PAX5: variants seen among roughly 807,000 people sequenced by gnomAD.
PAX5 encodes the protein paired box protein Pax-5.
A neutral mutation model predicts 43.7 loss-of-function variants in PAX5; 9 were observed. That is an observed-to-expected ratio of 0.21 (90% CI 0.12 to 0.36). The LOEUF is 0.36. Ranked by LOEUF, PAX5 falls within the 10% of genes least tolerant of loss-of-function variation. The probability of loss-of-function intolerance (pLI) is 1.00; values close to 1 mark genes in which losing one functional copy is unlikely to be tolerated. For missense variants in PAX5, 383 were observed against 532.7 expected, an observed-to-expected ratio of 0.72 and a Z score of 2.77; for synonymous variants, 228 against 214.3, an observed-to-expected ratio of 1.06 and a Z score of -0.56.
In PAX5 at chr9:37,015,032, G is replaced by T; in HGVS notation, c.375C>A (p.Asp125Glu). 1 of 1,614,150 alleles carries T rather than the reference G, an allele frequency of 6.2e-7. No individual in the cohort carries two copies. The highest frequency in any genetic ancestry group is 8.5e-7 in the Non-Finnish European group (1 of 1,180,036). Reference sequence around the variant, plus strand: ...AACTGACGCTAGGCACGGTGTCATTGTCACACACCCGCTCTGCCAGCAGCC... The same window carrying T: ...AACTGACGCTAGGCACGGTGTCATTTTCACACACCCGCTCTGCCAGCAGCC... ...RDRLLAERVC[D>E]NDTVPSVSSI... Residue 125 changes from aspartate to glutamate, a missense_variant, in exon 3 of 10, where the codon GAC (aspartate) becomes GAA (glutamate). Coordinates refer to ENST00000358127, the MANE Select transcript of PAX5 (RefSeq NM_016734.3). This position sits in a 1 kb window ranked among gnomAD's most constrained non-coding sequence, Gnocchi z 4.4.
At chr9:36,918,752 T>C (rs548808456) in intron 7 of PAX5, among the ~76,000 whole-genome samples, 3 of 152,292 alleles carry the variant, frequency 2.0e-5, no homozygotes, top group African/African-American at 7.2e-5. Context: ...TCTTTAATTT[T>C]AGGAAGGCTA....
At chr9:36,918,480 T>C (rs1163531993) in intron 7 of PAX5, among the ~76,000 whole-genome samples, 3 of 151,896 alleles carry the variant, frequency 2.0e-5, no homozygotes, top group African/African-American at 4.8e-5. Context: ...CTGGGAAACA[T>C]AGAAAAACCC....
rs10650417 is a variant in PAX5 at position 36,882,267 on chromosome 9, TACACACAC to T, written c.911-170_911-163del. 0.047 allele frequency among the ~76,000 whole-genome samples: 6,869 copies of T among 146,350 alleles called. 179 individuals are homozygous for T. Among genetic ancestry groups the T allele is most frequent in the East Asian group, 0.097 (467 of 4,818 alleles). On this transcript the variant is annotated intron_variant, in intron 7 of 9. Coordinates refer to ENST00000358127, the MANE Select transcript of PAX5 (RefSeq NM_016734.3). This position sits in a 1 kb window ranked among gnomAD's most constrained non-coding sequence, Gnocchi z 4.4. ...GCTCACACGCTCTCACAAACACACA[TACACACAC>T]ACACACACACACACACACACTCATG...
At chr9:36,924,278 T>G (rs1465926738) in intron 6 of PAX5, among the ~76,000 whole-genome samples, 2 of 152,214 alleles carry the variant, frequency 1.3e-5, no homozygotes, top group Middle Eastern at 3.2e-3. Context: ...AGTCATTTCC[T>G]TGTCATCCAA....
rs541572845 is a variant in PAX5 at position 36,837,063 on chromosome 9, C to G, written c.*3497G>C. 64 of 232,584 alleles carry G rather than the reference C, an allele frequency of 2.8e-4. No homozygotes were observed. The highest frequency in any genetic ancestry group is 1.2e-3 in the African/African-American group (55 of 45,336). The allele number at this position is 232,584 out of a possible 1,614,324, so 14.4% of individuals were successfully genotyped here. The stretch of plus-strand genomic sequence containing the variant: ...CCTCTGGGTCCCTGTTCTTTCTTGC[C>G]TGATTGTGGGTCTGGGGGATTTCTA... On this transcript the variant is annotated 3_prime_UTR_variant, in exon 10 of 10. Coordinates refer to ENST00000358127, the MANE Select transcript of PAX5 (RefSeq NM_016734.3).
At chr9:37,029,646 C>T (rs538187682) in intron 1 of PAX5, among the ~76,000 whole-genome samples, 11 of 152,194 alleles carry the variant, frequency 7.2e-5, no homozygotes, top group Non-Finnish European at 4.4e-5. Context: ...GAATTCAGAT[C>T]CTCGGCCCAG....
rs117860109 is a variant in PAX5, at chr9:37,008,295, C to T, written c.411-1758G>A. ...TCTCCAACTCCTGACCTCAAGTGGTCGGCCCTCCTCGGCCTCCCAAAGTGC... is the reference window on the plus strand; with the variant it reads ...TCTCCAACTCCTGACCTCAAGTGGTTGGCCCTCCTCGGCCTCCCAAAGTGC... On this transcript the variant is annotated intron_variant, in intron 3 of 9. Transcript: ENST00000358127. Among the ~76,000 whole-genome samples the T allele has an allele frequency of 2.2e-4, 34 of 152,342 alleles. No homozygotes were observed. In the East Asian group the frequency reaches 6.4e-3, roughly 28 times the overall value.
In PAX5 at chr9:36,840,022, G is replaced by A. The variant is rs962354498; in HGVS notation, c.*538C>T. ...CATCCTCCATCTTGAGGACAGCTCT[G>A]AGCGCACCTGCCAGGGTCACCCAGG... is the stretch of plus-strand genomic sequence containing the variant. On this transcript the variant is annotated 3_prime_UTR_variant, in exon 10 of 10. Coordinates refer to ENST00000358127, the MANE Select transcript of PAX5 (RefSeq NM_016734.3). 4 of 252,052 alleles carry A rather than the reference G, an allele frequency of 1.6e-5. No homozygotes were observed. In the South Asian group the frequency reaches 3.6e-4, roughly 23 times the overall value. The allele number at this position is 252,052 out of a possible 1,614,324, so 15.6% of individuals were successfully genotyped here. A position where few individuals can be genotyped will look rare whatever the true frequency, so the allele number is the denominator to read the frequency against.
At chr9:36,922,482 C>T (rs374757002) in intron 7 of PAX5, among the ~76,000 whole-genome samples, 1 of 152,192 alleles carries the variant, frequency 6.6e-6, no homozygotes, top group Non-Finnish European at 1.5e-5. Flanking sequence ...GAGTCGGCTC[C>T]ACGTTACCCC....
chr9:36,960,358 T>C (rs1261602507), intron 6 of PAX5, among the ~76,000 whole-genome samples: 1 of 152,140 alleles, frequency 6.6e-6, no homozygotes, highest in Admixed American at 6.5e-5. Flanking sequence ...GGCTGGGTCA[T>C]GGGCAGCAGC....
intron 6 of PAX5, among the ~76,000 whole-genome samples, chr9:36,935,981 T>G (rs1236398115): frequency 3.9e-5 from 6 of 152,226 alleles, no homozygotes; most frequent in Non-Finnish European, 7.3e-5. Context: ...GATGCTTGCT[T>G]CTGCTTTCCT....
rs555238646 is a variant in PAX5 at position 36,996,092 on chromosome 9, C to T, written c.604+6556G>A. Among the ~76,000 whole-genome samples, 12 of 152,346 alleles carry T rather than the reference C, an allele frequency of 7.9e-5. No individual in the cohort carries two copies. In the South Asian group the frequency reaches 2.3e-3, roughly 29 times the overall value. ...CTTCTTCAGTACTATGGAATCGCTC[C>T]GTGGCTCCACAGCTCCAAACAGGAA... On this transcript the variant is annotated intron_variant, in intron 5 of 9. Transcript: ENST00000358127.
chr9:36,833,528 T>TAA lies in PAX5; in HGVS notation c.*7030_*7031dup. The TAA allele has an allele frequency of 4.4e-6, 1 of 225,688 alleles. No homozygotes were observed. The highest frequency in any genetic ancestry group is 8.7e-6 in the Non-Finnish European group (1 of 114,320). The allele number at this position is 225,688 out of a possible 1,614,324, so 14.0% of individuals were successfully genotyped here. ...TTCAGGTTTGACAAGGAAAAAAAAG[T>TAA]AAAAAAAAAATTAAACCAAAACCCC... On this transcript the variant is annotated 3_prime_UTR_variant, in exon 10 of 10. Coordinates refer to ENST00000358127, the MANE Select transcript of PAX5 (RefSeq NM_016734.3).
At chr9:36,865,026 G>C (rs1487308908) in intron 8 of PAX5, among the ~76,000 whole-genome samples, 1 of 152,236 alleles carries the variant, frequency 6.6e-6, no homozygotes, top group Non-Finnish European at 1.5e-5. Context: ...ATGCTTGACT[G>C]ATCTAGCTGC....
At chr9:36,920,785 T>C in intron 7 of PAX5, among the ~76,000 whole-genome samples, 1 of 149,516 alleles carries the variant, frequency 6.7e-6, no homozygotes, top group African/African-American at 2.4e-5. Flanking sequence ...ATGCTCAACC[T>C]GTATAGTATA....
At chr9:36,971,296 G>A (rs1834909555) in intron 5 of PAX5, among the ~76,000 whole-genome samples, 1 of 152,264 alleles carries the variant, frequency 6.6e-6, no homozygotes, top group Non-Finnish European at 1.5e-5. Context: ...GTCGCACACA[G>A]TGGGTACTCA....
At chr9:36,983,909 C>A (rs1368809120) in intron 5 of PAX5, among the ~76,000 whole-genome samples, 1 of 152,202 alleles carries the variant, frequency 6.6e-6, no homozygotes, top group Non-Finnish European at 1.5e-5. Context: ...AGAAAGAGTT[C>A]TCCAGACCAC....
intron 6 of PAX5, among the ~76,000 whole-genome samples, chr9:36,950,745 T>C (rs201168204): frequency 0.3 from 43,471 of 146,160 alleles, 6,960 homozygotes; most frequent in East Asian, 0.56. Context: ...CTTTTTTTTT[T>C]TTTTTTTTTT....
chr9:36,844,055 T>C (rs974376838), intron 9 of PAX5, among the ~76,000 whole-genome samples: 5 of 152,254 alleles, frequency 3.3e-5, no homozygotes, highest in Non-Finnish European at 7.3e-5. Context: ...TAAATTCATT[T>C]TCTGCTTAAG....
Sources: gnomAD v4.1 joint callset for allele counts (sites outside exome capture counted in the v4.1 genomes callset) on GRCh38, gnomAD v4.1.1 for gene constraint, Gnocchi (gnomAD v3.1) non-coding constraint, MANE v1.5 for transcripts, NCBI Gene and HGNC (gene_info 2026-07-23, HGNC 2026-07-21) for gene names.